Variants in RTTN observed in about 807,000 individuals in gnomAD.
RTTN encodes rotatin.
In RTTN, 182 loss-of-function variants were observed where a neutral mutation model predicts 269.2. That is an observed-to-expected ratio of 0.68 (90% confidence interval 0.60 to 0.76). RTTN has a LOEUF of 0.76. RTTN is among the 30% of genes least tolerant of loss of function. RTTN has a pLI of 0.00. For synonymous variants in RTTN, 1,006 were observed against 963.5 expected, an observed-to-expected ratio of 1.04 and a Z score of -0.82; for missense variants, 2,545 against 2,608.6, an observed-to-expected ratio of 0.98 and a Z score of 0.53.
intron 23 of RTTN, among the ~76,000 whole-genome samples, chr18:70,133,400 T>C (rs1325288066): frequency 6.6e-6 from 1 of 152,172 alleles, no homozygotes. Context: ...TAAACATAAA[T>C]ATCCTATATT....
Position 70,020,647 on chromosome 18 carries a change from A to C in RTTN, c.6121T>G (p.Leu2041Val), listed in dbSNP as rs760509634. The C allele has an allele frequency of 2.5e-6, 4 of 1,613,918 alleles. No homozygotes were observed. The African/African-American group carries it at 4.0e-5, about 16-fold the overall frequency. Residue 2041 changes from leucine to valine, a missense_variant, in exon 45 of 49, where the codon TTG (leucine) becomes GTG (valine). By Grantham distance (32) the Leu-to-Val change is conservative. Coordinates refer to ENST00000640769, the MANE Select transcript of RTTN (RefSeq NM_173630.4). Reference protein sequence around the residue: ...MVFMLLSNLALSHDCKGVIQK... With the variant: ...MVFMLLSNLAVSHDCKGVIQK... ...ATTACTCCTTTACAGTCATGCGACAAGGCCAGGTTTGAAAGAAGCATAAAA... is the reference window on the plus strand; with the variant it reads ...ATTACTCCTTTACAGTCATGCGACACGGCCAGGTTTGAAAGAAGCATAAAA...
At chr18:70,054,742 C>G (rs886358671) in intron 37 of RTTN, among the ~76,000 whole-genome samples, 1 of 151,940 alleles carries the variant, frequency 6.6e-6, no homozygotes, top group African/African-American at 2.4e-5. Context: ...CCACTTAAGC[C>G]CAGAAGGTAG....
intron 9 of RTTN, among the ~76,000 whole-genome samples, chr18:70,190,291 T>C (rs972345634): frequency 6.9e-6 from 1 of 145,010 alleles, no homozygotes; most frequent in Non-Finnish European, 1.5e-5. Context: ...AAAAAAAAAA[T>C]AAGCATGAAA....
chr18:70,131,630 C>T (rs2060000848), intron 23 of RTTN: 1 of 151,722 alleles, frequency 6.6e-6, no homozygotes, highest in East Asian at 1.9e-4. Flanking sequence ...TTGCTTGAAG[C>T]CAGGAGTTCA....
chr18:70,064,102 C>T lies in RTTN; in HGVS notation c.4747+1727G>A, dbSNP rs571609191. On this transcript the variant is annotated intron_variant, in intron 35 of 48. Transcript: ENST00000640769. ...TCTGTAATCCCAGCACTTTGGGAGG[C>T]CAAGGCAGGTGGATCATCTGAGGTC... Among the ~76,000 whole-genome samples, 483 of 151,010 alleles carry T rather than the reference C, an allele frequency of 3.2e-3. 1 individual carries two copies. Among genetic ancestry groups the T allele is most frequent in the Non-Finnish European group, 4.1e-3 (276 of 67,810 alleles).
At chr18:70,042,366 C>CT (rs1017125527) in intron 40 of RTTN, among the ~76,000 whole-genome samples, 7,200 of 78,144 alleles carry the variant, frequency 0.092, 1,703 homozygotes, top group Non-Finnish European at 0.13. Context: ...TTGGAATTTT[C>CT]TTTTTTTTTT....
chr18:70,114,653 T>C, intron 26 of RTTN, 54 bp from the exon 27 acceptor site: 1 of 1,538,398 alleles, frequency 6.5e-7, no homozygotes, highest in Middle Eastern at 1.7e-4. Flanking sequence ...ATATATTGTT[T>C]CCTATAAAGG....
intron 39 of RTTN, among the ~76,000 whole-genome samples, chr18:70,049,603 G>A (rs1371274995): frequency 2.0e-5 from 3 of 151,958 alleles, no homozygotes; most frequent in Non-Finnish European, 4.4e-5. Context: ...AAAAAAAATC[G>A]GTCAGTTGAA....
At chr18:70,030,685 G>A (rs571220526) in intron 41 of RTTN, among the ~76,000 whole-genome samples, 191 bp downstream of exon 41, 1 of 152,196 alleles carries the variant, frequency 6.6e-6, no homozygotes, top group African/African-American at 2.4e-5. Context: ...AACAAACTAT[G>A]TCTAATCTTT....
At chr18:70,117,596 C>G (rs2059633349) in intron 26 of RTTN, among the ~76,000 whole-genome samples, 1 of 151,944 alleles carries the variant, frequency 6.6e-6, no homozygotes, top group East Asian at 1.9e-4. Context: ...ACCAAAAATC[C>G]TTTTCAAAAA....
chr18:70,016,068 A>G (rs1247691524), intron 46 of RTTN, among the ~76,000 whole-genome samples: 2 of 152,320 alleles, frequency 1.3e-5, no homozygotes. Flanking sequence ...TCAGCACAGC[A>G]GCCACCGGAA....
At chr18:70,141,539 C>T (rs1044861859) in intron 19 of RTTN, among the ~76,000 whole-genome samples, 11 of 152,108 alleles carry the variant, frequency 7.2e-5, no homozygotes, top group South Asian at 2.1e-4. Context: ...AACCAAACAC[C>T]GCATGTTCTC....
intron 16 of RTTN, 122 bp downstream of exon 16, chr18:70,149,849 C>G: frequency 1.4e-6 from 1 of 735,332 alleles, no homozygotes; most frequent in South Asian, 1.5e-5. Flanking sequence ...TTATCCCCAG[C>G]GCCTTCACAG....
chr18:70,201,501 G>C (rs1389262927), intron 4 of RTTN, among the ~76,000 whole-genome samples: 2 of 149,286 alleles, frequency 1.3e-5, no homozygotes, highest in African/African-American at 4.9e-5. Flanking sequence ...CCAGCTACTT[G>C]GGAGGCTGAG....
At chr18:70,164,425 G>T (rs1339690929) in intron 14 of RTTN, among the ~76,000 whole-genome samples, 1 of 151,486 alleles carries the variant, frequency 6.6e-6, no homozygotes, top group African/African-American at 2.4e-5. Flanking sequence ...TGTTGCCCAG[G>T]CTGGTCTCAA....
chr18:70,111,303 A>G (rs899921477), intron 27 of RTTN, among the ~76,000 whole-genome samples: 9 of 152,228 alleles, frequency 5.9e-5, no homozygotes, highest in African/African-American at 2.2e-4. Context: ...CACTTGATAC[A>G]GAAGAGCTCT....
At chr18:70,111,395 C>A (rs1288479312) in intron 27 of RTTN, among the ~76,000 whole-genome samples, 1 of 152,098 alleles carries the variant, frequency 6.6e-6, no homozygotes, top group African/African-American at 2.4e-5. Context: ...TCTGCAGCCT[C>A]CGCTGGCGAT....
chr18:70,161,853 T>C (rs1436745175), intron 14 of RTTN, among the ~76,000 whole-genome samples: 3 of 152,082 alleles, frequency 2.0e-5, no homozygotes, highest in Non-Finnish European at 4.4e-5. Flanking sequence ...ATAACAGGTG[T>C]TGGCAAGGTT....
At chr18:70,190,216 G>C (rs573377344) in intron 9 of RTTN, among the ~76,000 whole-genome samples, 1 of 147,028 alleles carries the variant, frequency 6.8e-6, no homozygotes, top group Non-Finnish European at 1.5e-5. Context: ...TAGCCATACA[G>C]TCCAAAAAAA....
Sources: gnomAD v4.1 joint callset for allele counts (sites outside exome capture counted in the v4.1 genomes callset) on GRCh38, gnomAD v4.1.1 for gene constraint, MANE v1.5 for transcripts, NCBI Gene and HGNC (gene_info 2026-07-23, HGNC 2026-07-21) for gene names.